CNTNAP2: variants seen among roughly 807,000 people sequenced by gnomAD.
CNTNAP2 encodes contactin-associated protein-like 2.
In CNTNAP2, 98 loss-of-function variants were observed where a neutral mutation model predicts 155.2. That is an observed-to-expected ratio of 0.63 (90% CI 0.54 to 0.75). The LOEUF is 0.75. Among genes scored for constraint, CNTNAP2 ranks in the 30% least tolerant of loss-of-function variants. The pLI, the probability that CNTNAP2 is intolerant of heterozygous loss-of-function variation, is 0.00. For synonymous variants in CNTNAP2, 651 were observed against 631.2 expected (o/e 1.03, Z -0.47); for missense variants, 1,727 against 1,688.1 (o/e 1.02, Z -0.40).
At chr7:147,306,597 G>T (rs944091285) in intron 9 of CNTNAP2, among the ~76,000 whole-genome samples, 2 of 152,314 alleles carry the variant, frequency 1.3e-5, no homozygotes, top group East Asian at 1.9e-4. Flanking sequence ...ATGTATCATT[G>T]GTTTGAAAGC....
intron 14 of CNTNAP2, among the ~76,000 whole-genome samples, chr7:147,961,395 T>C (rs1162676712): frequency 6.6e-6 from 1 of 152,152 alleles, no homozygotes; most frequent in Non-Finnish European, 1.5e-5. Flanking sequence ...ATTTAACAAA[T>C]ATGCAGAGCA....
intron 9 of CNTNAP2, among the ~76,000 whole-genome samples, chr7:147,388,872 T>G (rs912960985): frequency 3.9e-5 from 6 of 152,104 alleles, no homozygotes; most frequent in Non-Finnish European, 7.4e-5. Context: ...GAACATTCTT[T>G]CTTATGTTTC....
At chr7:147,156,502 A>C (rs1801929056) in intron 8 of CNTNAP2, among the ~76,000 whole-genome samples, 1 of 152,186 alleles carries the variant, frequency 6.6e-6, no homozygotes, top group Admixed American at 6.5e-5. Flanking sequence ...TTCTCTTAGG[A>C]ATTCTCACCT....
intron 1 of CNTNAP2, among the ~76,000 whole-genome samples, chr7:146,477,624 AACACACACACACACACAC>A (rs1162610079): frequency 3.0e-4 from 39 of 131,718 alleles, no homozygotes; most frequent in East Asian, 9.4e-4. Context: ...TTCTTCAGCA[AACACACACACACACACAC>A]ACACACACAC....
At chr7:146,171,765 A>AAT (rs1464788135) in intron 1 of CNTNAP2, among the ~76,000 whole-genome samples, 1 of 152,120 alleles carries the variant, frequency 6.6e-6, no homozygotes, top group Non-Finnish European at 1.5e-5. Flanking sequence ...AATTTAATAA[A>AAT]CTTTTAAAAA....
intron 1 of CNTNAP2, among the ~76,000 whole-genome samples, chr7:146,299,652 C>T (rs2129088094): frequency 6.6e-6 from 1 of 152,248 alleles, no homozygotes; most frequent in East Asian, 1.9e-4. Flanking sequence ...CCTCCTGCCT[C>T]AGTTTTCCAA....
Position 147,952,491 on chromosome 7 carries a change from A to G in CNTNAP2, c.2256-25371A>G, listed in dbSNP as rs1348842959. The stretch of plus-strand genomic sequence containing the variant: ...TAAATCTCTCCTTTTCATTATTTAT[A>G]GAAAATCATAGTATTTTGGCACATT... On this transcript the variant is annotated intron_variant, in intron 14 of 23. Transcript: ENST00000361727. 2.6e-5 allele frequency among the ~76,000 whole-genome samples: 4 copies of G among 152,162 alleles called. No individual in the cohort carries two copies. The South Asian group carries it at 8.3e-4, about 32-fold the overall frequency.
At chr7:147,596,540 C>T (rs570607021) in intron 12 of CNTNAP2, among the ~76,000 whole-genome samples, 149 of 152,248 alleles carry the variant, frequency 9.8e-4, no homozygotes, top group African/African-American at 3.4e-3. Context: ...CACTCCTTCT[C>T]GGGGTCTCAA....
At chr7:146,301,362 C>T (rs1218686318) in intron 1 of CNTNAP2, among the ~76,000 whole-genome samples, 2 of 152,040 alleles carry the variant, frequency 1.3e-5, no homozygotes, top group African/African-American at 2.4e-5. Flanking sequence ...CAGTGACTCA[C>T]GCCTGTAATC....
Position 147,610,455 on chromosome 7 carries a change from A to G in CNTNAP2, c.1898-28651A>G, listed in dbSNP as rs1030629800. On this transcript the variant is annotated intron_variant, in intron 12 of 23. Transcript: ENST00000361727. ...AATGGGAGCTCAGAAAAAGCTCCTC[A>G]CTGCATTTGCTGTTCTCCAGGTGCC... Among the ~76,000 whole-genome samples the G allele has an allele frequency of 2.0e-5, 3 of 152,142 alleles. No homozygotes were observed. The East Asian group carries it at 5.8e-4, about 29-fold the overall frequency.
intron 1 of CNTNAP2, among the ~76,000 whole-genome samples, chr7:146,724,408 A>G (rs866742335): frequency 7.2e-5 from 11 of 151,980 alleles, no homozygotes; most frequent in Non-Finnish European, 1.5e-4. Flanking sequence ...ACATGTGTAC[A>G]TTTGCTAACA....
intron 2 of CNTNAP2, among the ~76,000 whole-genome samples, chr7:146,785,666 T>C (rs1802563528): frequency 6.6e-6 from 1 of 152,188 alleles, no homozygotes; most frequent in Non-Finnish European, 1.5e-5. Flanking sequence ...AGCAGATGAG[T>C]AACAACAACC....
At chr7:147,840,012 G>A (rs1046802449) in intron 13 of CNTNAP2, among the ~76,000 whole-genome samples, 1 of 151,668 alleles carries the variant, frequency 6.6e-6, no homozygotes, top group Non-Finnish European at 1.5e-5. Flanking sequence ...CATGTCTTTT[G>A]GAGCAACATG....
intron 13 of CNTNAP2, among the ~76,000 whole-genome samples, chr7:147,870,254 A>G (rs752277414): frequency 6.6e-6 from 1 of 152,130 alleles, no homozygotes; most frequent in Non-Finnish European, 1.5e-5. Flanking sequence ...GACCCTATGG[A>G]GGAAAGAGGG....
At chr7:147,205,364 C>A (rs1212271971) in intron 8 of CNTNAP2, among the ~76,000 whole-genome samples, 1 of 151,954 alleles carries the variant, frequency 6.6e-6, no homozygotes, top group African/African-American at 2.4e-5. Flanking sequence ...GTTCCATATA[C>A]ACTTTAAGAT....
chr7:146,827,513 T>A (rs562221469), intron 2 of CNTNAP2, among the ~76,000 whole-genome samples: 16 of 151,796 alleles, frequency 1.1e-4, no homozygotes, highest in South Asian at 2.1e-4. Flanking sequence ...TTTTTTTTTT[T>A]TATATCAGAG....
chr7:146,223,615 T>G (rs1799244060), intron 1 of CNTNAP2, among the ~76,000 whole-genome samples: 1 of 152,200 alleles, frequency 6.6e-6, no homozygotes, highest in South Asian at 2.1e-4. Flanking sequence ...CTGGCAATCT[T>G]GACTCTAGAC....
Position 148,022,718 on chromosome 7 carries a change from T to TC in CNTNAP2, c.2383+44729_2383+44730insC, listed in dbSNP as rs1563170597. Among the ~76,000 whole-genome samples, 160 of 151,350 alleles carry TC rather than the reference T, an allele frequency of 1.1e-3. 1 individual carries two copies. Among genetic ancestry groups the TC allele is most frequent in the African/African-American group, 3.8e-3 (156 of 41,212 alleles). On this transcript the variant is annotated intron_variant, in intron 15 of 23. Coordinates refer to ENST00000361727, the MANE Select transcript of CNTNAP2 (RefSeq NM_014141.6). ...GCTTTTTTGTTTGTTTGGTTGGTTT[T>TC]TTTTTGGACTCTGCGAATGGATGTC...
At chr7:146,899,756 G>C (rs908885051) in intron 3 of CNTNAP2, among the ~76,000 whole-genome samples, 1 of 152,130 alleles carries the variant, frequency 6.6e-6, no homozygotes, top group African/African-American at 2.4e-5. Context: ...CCAACATCTG[G>C]AGGACCCAAA....
Sources: gnomAD v4.1 joint callset for allele counts (sites outside exome capture counted in the v4.1 genomes callset) on GRCh38, gnomAD v4.1.1 for gene constraint, MANE v1.5 for transcripts, NCBI Gene and HGNC (gene_info 2026-07-23, HGNC 2026-07-21) for gene names.